Variants in ATOSA observed in about 807,000 individuals in gnomAD.
The protein encoded by ATOSA is atos homolog A, also known as atos homolog protein A.
chr15:52,655,412 C>G, the ATOSA span, among the ~76,000 whole-genome samples: 1 of 151,982 alleles, frequency 6.6e-6, no homozygotes, highest in African/African-American at 2.4e-5. Flanking sequence ...ACAAAGACAA[C>G]GATAAAAGGT....
At chr15:52,681,710 T>A in the ATOSA span, among the ~76,000 whole-genome samples, 1 of 152,172 alleles carries the variant, frequency 6.6e-6, no homozygotes, top group African/African-American at 2.4e-5. Context: ...TGCTTTCCCC[T>A]AGGGTTTCAA....
chr15:52,706,655 A>C, the ATOSA span, among the ~76,000 whole-genome samples: 1 of 152,200 alleles, frequency 6.6e-6, no homozygotes, highest in Non-Finnish European at 1.5e-5. Context: ...CAAATAAATA[A>C]GGACAATAAT....
chr15:52,690,822 C>T, the ATOSA span, among the ~76,000 whole-genome samples: 2 of 152,092 alleles, frequency 1.3e-5, no homozygotes, highest in Admixed American at 1.3e-4. Context: ...GCATGGATTG[C>T]TCAAGATAAC....
At chr15:52,600,049 G>C in the ATOSA span, 2 of 602,916 alleles carry the variant, frequency 3.3e-6, no homozygotes, top group Non-Finnish European at 5.7e-6. Flanking sequence ...CACAACCAAA[G>C]TTAAAGACAT....
chr15:52,709,163 C>G, the ATOSA span, among the ~76,000 whole-genome samples: 5 of 152,180 alleles, frequency 3.3e-5, no homozygotes, highest in Non-Finnish European at 7.4e-5. Flanking sequence ...GTTTTGCCCC[C>G]TCTTTATTAG....
chr15:52,629,788 C>G, the ATOSA span: 1 of 157,976 alleles, frequency 6.3e-6, no homozygotes, highest in Non-Finnish European at 1.4e-5. Flanking sequence ...GGCAACAGAG[C>G]AAGACTCCAT....
chr15:52,598,997 C>A, the ATOSA span, among the ~76,000 whole-genome samples: 3 of 152,280 alleles, frequency 2.0e-5, no homozygotes, highest in Middle Eastern at 3.4e-3. Flanking sequence ...AGTAAAAGCT[C>A]CCTGAGGCCT....
chr15:52,605,065 T>A, the ATOSA span: 1 of 1,027,134 alleles, frequency 9.7e-7, no homozygotes, highest in South Asian at 1.7e-5. Flanking sequence ...AAAATTTGAA[T>A]GAAATTATTT....
At chr15:52,598,588 A>C in the ATOSA span, 2 of 152,226 alleles carry the variant, frequency 1.3e-5, no homozygotes, top group African/African-American at 4.8e-5. Flanking sequence ...TAATTTACTG[A>C]AGAAAACATC....
chr15:52,664,676 C>T, the ATOSA span, among the ~76,000 whole-genome samples: 1 of 152,170 alleles, frequency 6.6e-6, no homozygotes, highest in Non-Finnish European at 1.5e-5. Flanking sequence ...CGCATGGTGG[C>T]TTACGCCTGT....
chr15:52,701,567 C>T, the ATOSA span, among the ~76,000 whole-genome samples: 3 of 152,188 alleles, frequency 2.0e-5, no homozygotes, highest in Non-Finnish European at 4.4e-5. Flanking sequence ...TCACAACACA[C>T]ACAGTAAACT....
At chr15:52,603,630 T>C in the ATOSA span, among the ~76,000 whole-genome samples, 5 of 152,096 alleles carry the variant, frequency 3.3e-5, no homozygotes, top group Admixed American at 1.3e-4. Flanking sequence ...ATATACACAA[T>C]GGAATATTAT....
the ATOSA span, among the ~76,000 whole-genome samples, chr15:52,613,125 T>C: frequency 6.6e-6 from 1 of 151,978 alleles, no homozygotes; most frequent in Non-Finnish European, 1.5e-5. Context: ...CCCAGCACTT[T>C]GGGAGGCTGA....
the ATOSA span, among the ~76,000 whole-genome samples, chr15:52,591,405 T>C: frequency 6.6e-6 from 1 of 152,072 alleles, no homozygotes; most frequent in Non-Finnish European, 1.5e-5. Flanking sequence ...TAATTTTTTG[T>C]ATTATTAGTA....
the ATOSA span, among the ~76,000 whole-genome samples, chr15:52,637,389 T>C: frequency 6.6e-6 from 1 of 152,114 alleles, no homozygotes; most frequent in Non-Finnish European, 1.5e-5. Flanking sequence ...AAGTCCAACA[T>C]CATTTCGTAC....
At chr15:52,648,822 C>T in the ATOSA span, 1 of 152,070 alleles carries the variant, frequency 6.6e-6, no homozygotes, top group Non-Finnish European at 1.5e-5. Flanking sequence ...ATCTTGACTA[C>T]TTCCTCAAAT....
chr15:52,704,091 A>C, the ATOSA span, among the ~76,000 whole-genome samples: 1 of 152,196 alleles, frequency 6.6e-6, no homozygotes, highest in Non-Finnish European at 1.5e-5. Flanking sequence ...AATAGGAAGG[A>C]CATATCAGAA....
the ATOSA span, among the ~76,000 whole-genome samples, chr15:52,617,267 CCTT>C: frequency 6.6e-6 from 1 of 152,134 alleles, no homozygotes; most frequent in Non-Finnish European, 1.5e-5. Context: ...ACATGTGTCT[CCTT>C]CTTGCTTTTT....
chr15:52,679,663 A>T, the ATOSA span, among the ~76,000 whole-genome samples: 1 of 152,198 alleles, frequency 6.6e-6, no homozygotes, highest in African/African-American at 2.4e-5. Context: ...TTCTGAGACC[A>T]GGAATCGGAG....
Sources: allele counts gnomAD v4.1 joint callset (sites outside exome capture counted in the v4.1 genomes callset), GRCh38; gene constraint gnomAD v4.1.1; transcripts MANE v1.5; gene names NCBI Gene and HGNC (gene_info 2026-07-23, HGNC 2026-07-21).